Variants in UTP4 observed in about 807,000 individuals in gnomAD.
UTP4 encodes UTP4 small subunit processome component, also known as U3 small nucleolar RNA-associated protein 4 homolog.
In UTP4, 45 loss-of-function variants were observed where a neutral mutation model predicts 82.4. The observed-to-expected ratio is 0.55, with a 90% CI of 0.43 to 0.70. The LOEUF (loss-of-function observed/expected upper bound fraction) is 0.70. UTP4 is among the 30% of genes least tolerant of loss of function. The pLI is 0.00. For synonymous variants in UTP4, 348 were observed against 300.3 expected (o/e 1.16, Z -1.64); for missense variants, 819 against 858.3 (o/e 0.95, Z 0.57).
At chr16:69,165,987 A>C in intron 15 of UTP4, 1 of 265,972 alleles carries the variant, frequency 3.8e-6, no homozygotes, top group Non-Finnish European at 7.3e-6. Flanking sequence ...AGCTACTAAA[A>C]CGCTGTCTGC....
At chr16:69,160,603 T>C (rs918891374) in intron 13 of UTP4, 141 bp downstream of exon 13, 22 of 676,188 alleles carry the variant, frequency 3.3e-5, no homozygotes, top group Non-Finnish European at 4.1e-5. Flanking sequence ...CTTTTCTTTT[T>C]TTTTTTTTTT....
chr16:69,142,681 T>A (rs74025376), intron 5 of UTP4, among the ~76,000 whole-genome samples: 1 of 152,322 alleles, frequency 6.6e-6, no homozygotes, highest in African/African-American at 2.4e-5. Context: ...TGCCACTACT[T>A]GTCTGCTTTC....
chr16:69,151,325 CTT>C (rs75659040), intron 8 of UTP4, among the ~76,000 whole-genome samples: 11 of 124,726 alleles, frequency 8.8e-5, no homozygotes, highest in Non-Finnish European at 1.4e-4. Flanking sequence ...CTTTTTTTTT[CTT>C]TTTTTTTTTT....
At chr16:69,148,330 C>G (rs1204078562) in intron 6 of UTP4, among the ~76,000 whole-genome samples, 4 of 151,582 alleles carry the variant, frequency 2.6e-5, no homozygotes, top group African/African-American at 4.8e-5. Flanking sequence ...CCCCTGACTT[C>G]AAGTGATCCG....
At chr16:69,134,702 CTTTTTTTT>C (rs751705922) in intron 2 of UTP4, among the ~76,000 whole-genome samples, 4 of 131,530 alleles carry the variant, frequency 3.0e-5, no homozygotes, top group Non-Finnish European at 4.9e-5. Flanking sequence ...TTTTCTTTTT[CTTTTTTTT>C]TTTTTTTTTG....
chr16:69,149,382 A>T (rs898039792), intron 6 of UTP4, among the ~76,000 whole-genome samples: 1 of 151,910 alleles, frequency 6.6e-6, no homozygotes, highest in Non-Finnish European at 1.5e-5. Flanking sequence ...CTCTGTCTCA[A>T]AAAAAACAAA....
At chr16:69,149,888 C>T (rs1459914894) in intron 6 of UTP4, among the ~76,000 whole-genome samples, 1 of 151,962 alleles carries the variant, frequency 6.6e-6, no homozygotes, top group Non-Finnish European at 1.5e-5. Flanking sequence ...GCCACCACGC[C>T]CAGCTAATTT....
chr16:69,136,047 A>T (rs1256708443), intron 2 of UTP4, among the ~76,000 whole-genome samples: 2 of 152,196 alleles, frequency 1.3e-5, no homozygotes, highest in Non-Finnish European at 2.9e-5. Flanking sequence ...CAAAAAAGTG[A>T]AAGAATATGA....
chr16:69,147,437 G>A (rs1710546272), intron 6 of UTP4, among the ~76,000 whole-genome samples: 4 of 151,338 alleles, frequency 2.6e-5, no homozygotes, highest in South Asian at 4.2e-4. Context: ...CCAGGGAGGC[G>A]GAGGTTGCAG....
rs1483312227 is a variant in UTP4, at chr16:69,165,529, G to A, written c.1833+3G>A. ...TCTGCATCATTGACAAGTCATTGGT[G>A]AGTTCTTCACTGCTACCTCCCAAAT... On this transcript the variant is annotated splice_donor_region_variant and intron_variant, in intron 15 of 16. Transcript: ENST00000314423. 1 of 1,612,434 alleles carries A rather than the reference G, an allele frequency of 6.2e-7. No individual in the cohort carries two copies. Among genetic ancestry groups the A allele is most frequent in the Non-Finnish European group, 8.5e-7 (1 of 1,178,624 alleles).
chr16:69,142,525 C>T (rs1429474045), intron 5 of UTP4, among the ~76,000 whole-genome samples: 2 of 152,106 alleles, frequency 1.3e-5, no homozygotes, highest in Admixed American at 1.3e-4. Flanking sequence ...TTAACGGATC[C>T]CTCTTTGAAG....
intron 10 of UTP4, 112 bp downstream of exon 10, chr16:69,154,569 A>G (rs1963359588): frequency 1.2e-6 from 1 of 845,846 alleles, no homozygotes; most frequent in South Asian, 1.4e-5. Context: ...TAAATTCTAA[A>G]ACTATTTGAA....
chr16:69,151,908 C>T (rs1024201149), intron 8 of UTP4, among the ~76,000 whole-genome samples: 1 of 151,476 alleles, frequency 6.6e-6, no homozygotes, highest in African/African-American at 2.4e-5. Flanking sequence ...GTACCATCTT[C>T]CCAAGCTAGA....
chr16:69,159,171 G>T (rs1231838560), intron 12 of UTP4, among the ~76,000 whole-genome samples: 1 of 152,012 alleles, frequency 6.6e-6, no homozygotes, highest in African/African-American at 2.4e-5. Context: ...TTGCCTCCCA[G>T]GTTCAAGTGA....
intron 12 of UTP4, among the ~76,000 whole-genome samples, chr16:69,159,823 A>T (rs1460962210): frequency 1.3e-5 from 2 of 152,122 alleles, no homozygotes; most frequent in Non-Finnish European, 2.9e-5. Flanking sequence ...CCCCATCTCT[A>T]CTAAAAATAC....
chr16:69,168,399 G>A (rs1260328733), intron 16 of UTP4, among the ~76,000 whole-genome samples: 1 of 131,780 alleles, frequency 7.6e-6, no homozygotes, highest in Non-Finnish European at 1.5e-5. Context: ...TTGCGCCACT[G>A]CACTCCAGCC....
intron 15 of UTP4, chr16:69,165,794 G>A (rs1963687995): frequency 1.2e-5 from 7 of 571,822 alleles, no homozygotes; most frequent in Admixed American, 3.0e-5. Flanking sequence ...TCTACTTTGC[G>A]AGTAAGCACA....
chr16:69,139,963 C>A, intron 5 of UTP4, 49 bp downstream of exon 5: 1 of 1,347,880 alleles, frequency 7.4e-7, no homozygotes, highest in Non-Finnish European at 1.1e-6. Context: ...GTCAGATTCA[C>A]ATTTCTGAGT....
Position 69,139,808 on chromosome 16 carries a change from G to C in UTP4, c.437-17G>C. The C allele has an allele frequency of 1.3e-6, 2 of 1,584,480 alleles. No homozygotes were observed. Among genetic ancestry groups the C allele is most frequent in the Non-Finnish European group, 1.7e-6 (2 of 1,153,448 alleles). ...TATGTGTATGTCACTTTCTTTTTTT[G>C]TTGTCCAACTCCCAAGGTCGCATCC... On this transcript the variant is annotated splice_polypyrimidine_tract_variant and intron_variant, in intron 4 of 16. Transcript: ENST00000314423.
Sources: allele counts gnomAD v4.1 joint callset (sites outside exome capture counted in the v4.1 genomes callset), GRCh38; gene constraint gnomAD v4.1.1; transcripts MANE v1.5; gene names NCBI Gene and HGNC (gene_info 2026-07-23, HGNC 2026-07-21).